The following DLC1 variants were observed in gnomAD, a reference collection of about 807,000 sequenced individuals.
DLC1 encodes the protein rho GTPase-activating protein 7.
A neutral mutation model predicts 140.3 loss-of-function variants in DLC1; 54 were observed. The observed-to-expected ratio is 0.38, with a 90% CI of 0.31 to 0.48. DLC1 has a LOEUF of 0.48. Among genes scored for constraint, DLC1 ranks in the 20% least tolerant of loss-of-function variants. DLC1 has a pLI of 0.96. For synonymous variants in DLC1, 986 were observed against 728.1 expected (o/e 1.35, Z -5.70); for missense variants, 2,536 against 1,907.0 (o/e 1.33, Z -6.14).
chr8:13,392,395 A>G (rs913981957), intron 4 of DLC1, among the ~76,000 whole-genome samples: 1 of 152,246 alleles, frequency 6.6e-6, no homozygotes. Flanking sequence ...CACAGGGAAC[A>G]TAATTTCCAT....
intron 4 of DLC1, among the ~76,000 whole-genome samples, chr8:13,348,853 T>A (rs913874679): frequency 6.6e-6 from 1 of 152,170 alleles, no homozygotes; most frequent in Non-Finnish European, 1.5e-5. Flanking sequence ...TGCAGAGAGC[T>A]GTATTCTCAA....
intron 5 of DLC1, among the ~76,000 whole-genome samples, chr8:13,229,563 A>G (rs1175427632): frequency 6.6e-6 from 1 of 152,146 alleles, no homozygotes; most frequent in East Asian, 1.9e-4. Flanking sequence ...TGTACTTGAA[A>G]TAGGTGAACT....
intron 5 of DLC1, among the ~76,000 whole-genome samples, chr8:13,231,656 T>C (rs2013653): frequency 0.12 from 18,074 of 152,236 alleles, 1,232 homozygotes; most frequent in South Asian, 0.23. Flanking sequence ...AGTTCTGCAG[T>C]AGTTACCTTG....
intron 2 of DLC1, among the ~76,000 whole-genome samples, chr8:13,449,589 A>G (rs978892638): frequency 2.1e-5 from 3 of 143,878 alleles, no homozygotes; most frequent in Non-Finnish European, 4.5e-5. Context: ...CAAACACTGC[A>G]TGTTCTCACT....
At chr8:13,415,626 C>G (rs1018619715) in intron 2 of DLC1, among the ~76,000 whole-genome samples, 52 of 152,038 alleles carry the variant, frequency 3.4e-4, no homozygotes, top group Non-Finnish European at 3.2e-4. Flanking sequence ...GTCTCGATCA[C>G]CTGACCTCAT....
chr8:13,498,221 T>C (rs111583706), intron 2 of DLC1, among the ~76,000 whole-genome samples: 21 of 152,316 alleles, frequency 1.4e-4, no homozygotes, highest in African/African-American at 3.6e-4. Context: ...CTTGGACTTA[T>C]ATCAGGACTA....
intron 2 of DLC1, among the ~76,000 whole-genome samples, chr8:13,462,090 T>C (rs1319326496): frequency 1.3e-5 from 2 of 152,160 alleles, no homozygotes; most frequent in African/African-American, 4.8e-5. Context: ...AGAATGAGAC[T>C]TCCTGTTGCT....
At chr8:13,086,120 G>A in intron 17 of DLC1, 170 bp downstream of exon 17, 1 of 1,321,384 alleles carries the variant, frequency 7.6e-7, no homozygotes, top group Non-Finnish European at 1.0e-6. Flanking sequence ...AAATTACGAA[G>A]TGGTCGCTGA....
chr8:13,449,504 T>G (rs889056270), intron 2 of DLC1, among the ~76,000 whole-genome samples: 1 of 152,110 alleles, frequency 6.6e-6, no homozygotes, highest in East Asian at 1.9e-4. Context: ...CAAGACAGGA[T>G]TTAGGAACCT....
chr8:13,318,022 T>C (rs952689323), intron 4 of DLC1, among the ~76,000 whole-genome samples: 11 of 152,114 alleles, frequency 7.2e-5, no homozygotes, highest in African/African-American at 2.7e-4. Context: ...CCTTTTTAAA[T>C]TAAATTAGGT....
At chr8:13,540,232 C>G (rs1017410826) in intron 1 of DLC1, among the ~76,000 whole-genome samples, 3 of 152,164 alleles carry the variant, frequency 2.0e-5, no homozygotes, top group Non-Finnish European at 4.4e-5. Context: ...CCAGCAATGG[C>G]TGGTGAAGAT....
At chr8:13,302,080 A>T (rs1002659264) in intron 5 of DLC1, among the ~76,000 whole-genome samples, 25 of 152,236 alleles carry the variant, frequency 1.6e-4, no homozygotes, top group African/African-American at 6.0e-4. Context: ...TTTAAAAAAG[A>T]AGTTGGTTGG....
intron 5 of DLC1, among the ~76,000 whole-genome samples, chr8:13,250,746 A>T (rs145411462): frequency 6.6e-6 from 1 of 151,770 alleles, no homozygotes; most frequent in African/African-American, 2.4e-5. Context: ...GGAAGTTGCT[A>T]TTAATGAGAA....
In DLC1 at chr8:13,317,590, T is replaced by C. The variant is rs564223243; in HGVS notation, c.1315-12288A>G. On this transcript the variant is annotated intron_variant, in intron 4 of 17. Transcript: ENST00000276297. Reference sequence around the variant, plus strand: ...ATGGTCAGTATTTTTTTGACCAATATCACTGAGGCATAAAGATCGCATCTG... The same window carrying C: ...ATGGTCAGTATTTTTTTGACCAATACCACTGAGGCATAAAGATCGCATCTG... 2.0e-5 allele frequency among the ~76,000 whole-genome samples: 3 copies of C among 152,204 alleles called. 1 individual carries two copies. In the South Asian group the frequency reaches 6.2e-4, roughly 32 times the overall value.
intron 1 of DLC1, among the ~76,000 whole-genome samples, chr8:13,588,098 C>T (rs1382887087): frequency 2.0e-5 from 3 of 152,094 alleles, no homozygotes. Flanking sequence ...AATCCCAGTT[C>T]TTCCAAATGG....
At chr8:13,478,167 C>T (rs1032252781) in intron 2 of DLC1, among the ~76,000 whole-genome samples, 2 of 152,128 alleles carry the variant, frequency 1.3e-5, no homozygotes, top group Non-Finnish European at 2.9e-5. Flanking sequence ...TAGGCATCTG[C>T]TCAGGGAGGC....
chr8:13,591,140 T>C (rs905903097), intron 1 of DLC1, among the ~76,000 whole-genome samples: 2 of 151,996 alleles, frequency 1.3e-5, no homozygotes, highest in African/African-American at 2.4e-5. Flanking sequence ...CAAAGTGTGA[T>C]GAGAAATTTT....
intron 5 of DLC1, among the ~76,000 whole-genome samples, chr8:13,206,992 A>G (rs1054602068): frequency 6.6e-6 from 1 of 152,210 alleles, no homozygotes; most frequent in Non-Finnish European, 1.5e-5. Flanking sequence ...TAAAGATGTC[A>G]CTTAAACAAT....
chr8:13,091,123 G>A (rs1274380132), intron 14 of DLC1, among the ~76,000 whole-genome samples, 195 bp downstream of exon 14: 1 of 151,986 alleles, frequency 6.6e-6, no homozygotes, highest in Non-Finnish European at 1.5e-5. Context: ...TCCAAGTAAA[G>A]GGACAATTTC....
Sources: gnomAD v4.1 joint callset for allele counts (sites outside exome capture counted in the v4.1 genomes callset) on GRCh38, gnomAD v4.1.1 for gene constraint, MANE v1.5 for transcripts, NCBI Gene and HGNC (gene_info 2026-07-23, HGNC 2026-07-21) for gene names.